TSPAN11: variants seen among roughly 807,000 people sequenced by gnomAD.
TSPAN11 encodes tetraspanin 11, also known as tetraspanin-11.
TSPAN11 carries 29 observed loss-of-function variants against 32.9 expected under a neutral mutation model. The observed-to-expected ratio is 0.88, with a 90% CI of 0.66 to 1.20. The LOEUF is 1.20. Among genes scored for constraint, TSPAN11 ranks in the 50% most tolerant of loss-of-function variants. TSPAN11 has a pLI of 0.00. For missense variants in TSPAN11, 283 were observed against 329.1 expected, an observed-to-expected ratio of 0.86 and a Z score of 1.08; for synonymous variants, 140 against 141.3, an observed-to-expected ratio of 0.99 and a Z score of 0.07.
chr12:30,989,537 G>A (rs563053281), intron 7 of TSPAN11, among the ~76,000 whole-genome samples: 41 of 152,254 alleles, frequency 2.7e-4, no homozygotes, highest in African/African-American at 8.4e-4. Context: ...CAGACCGGAT[G>A]TTTTCCTATT....
intron 7 of TSPAN11, among the ~76,000 whole-genome samples, chr12:30,987,394 C>T (rs1263886055): frequency 2.0e-5 from 3 of 152,060 alleles, no homozygotes; most frequent in East Asian, 3.9e-4. Flanking sequence ...GGATCATGAA[C>T]TTAAGAGATC....
At position 30,926,772 on chromosome 12, in the gene TSPAN11, C is replaced by T; in HGVS notation, c.-36C>T. ...CAGTCTCTCTAGGCGCAGCTCCCTT[C>T]GCCGCTTCCGGAGCCCCTGGCAGGG... On this transcript the variant is annotated 5_prime_UTR_variant, in exon 1 of 8. Coordinates refer to ENST00000546076, the MANE Select transcript of TSPAN11 (RefSeq NM_001370302.1). 3.0e-6 allele frequency: 1 copy of T among 328,290 alleles called. No homozygotes were observed. Among genetic ancestry groups the T allele is most frequent in the Non-Finnish European group, 5.4e-6 (1 of 185,236 alleles). The allele number at this position is 328,290 out of a possible 1,614,324, so 20.3% of individuals were successfully genotyped here.
At chr12:30,927,100 C>T in intron 1 of TSPAN11, 1 of 1,162,144 alleles carries the variant, frequency 8.6e-7, no homozygotes. Flanking sequence ...GAGCTCTGGG[C>T]CTCTGAGGGC....
chr12:30,940,305 C>A (rs1938134549), intron 1 of TSPAN11, among the ~76,000 whole-genome samples: 1 of 152,196 alleles, frequency 6.6e-6, no homozygotes, highest in Admixed American at 6.5e-5. Flanking sequence ...TTAATGCATT[C>A]CTTCCTTCAT....
the TSPAN11 span, among the ~76,000 whole-genome samples, chr12:31,002,510 G>C: frequency 6.6e-6 from 1 of 152,162 alleles, no homozygotes; most frequent in South Asian, 2.1e-4. The surrounding 1 kb of genome is among the most constrained non-coding windows in gnomAD (Gnocchi z 4.8). Context: ...GCCACTGCGA[G>C]ACTTCTACTG....
chr12:30,973,961 G>C (rs1007478303), intron 3 of TSPAN11, among the ~76,000 whole-genome samples: 5 of 152,176 alleles, frequency 3.3e-5, no homozygotes, highest in African/African-American at 1.2e-4. Flanking sequence ...AGGAAACACT[G>C]AGAGCTCTTG....
chr12:31,005,138 TA>T, the TSPAN11 span, among the ~76,000 whole-genome samples: 1 of 152,024 alleles, frequency 6.6e-6, no homozygotes, highest in African/African-American at 2.4e-5. Flanking sequence ...CCCCCACACT[TA>T]GGGAAAAAAG....
intron 7 of TSPAN11, among the ~76,000 whole-genome samples, chr12:30,989,177 G>A (rs1939262298): frequency 6.6e-6 from 1 of 152,234 alleles, no homozygotes; most frequent in African/African-American, 2.4e-5. Flanking sequence ...GGACAGGTAA[G>A]TGTATGGCAG....
chr12:30,992,412 CT>C lies in TSPAN11; in HGVS notation c.*500del. ...GGCATTTCCCCCAGAAGACCTTGCC[CT>C]TTGACCTGCCCACTCTCCACACTGC... is the stretch of plus-strand genomic sequence containing the variant. On this transcript the variant is annotated 3_prime_UTR_variant, in exon 8 of 8. Coordinates refer to ENST00000546076, the MANE Select transcript of TSPAN11 (RefSeq NM_001370302.1). The C allele has an allele frequency of 5.2e-6, 1 of 191,956 alleles. No individual in the cohort carries two copies. Among genetic ancestry groups the C allele is most frequent in the Non-Finnish European group, 1.1e-5 (1 of 90,584 alleles). The allele number at this position is 191,956 out of a possible 1,614,324, so 11.9% of individuals were successfully genotyped here. A position where few individuals can be genotyped will look rare whatever the true frequency, so the allele number is the denominator to read the frequency against.
At chr12:30,982,430 AG>A in intron 5 of TSPAN11, 101 bp from the exon 6 acceptor site, 1 of 1,458,296 alleles carries the variant, frequency 6.9e-7, no homozygotes, top group Non-Finnish European at 9.2e-7. Context: ...TGGTTCGGGT[AG>A]ACAAATAGGG....
chr12:30,999,971 A>G (rs1029380502), downstream of TSPAN11, among the ~76,000 whole-genome samples: 3 of 152,176 alleles, frequency 2.0e-5, no homozygotes, highest in African/African-American at 4.8e-5. Flanking sequence ...TAGCAGCATC[A>G]ATCAGCAGAG....
chr12:31,004,155 C>G, the TSPAN11 span, among the ~76,000 whole-genome samples: 2 of 152,176 alleles, frequency 1.3e-5, no homozygotes, highest in South Asian at 4.1e-4. Context: ...AGTGGATAAC[C>G]TTTGCATGCT....
chr12:30,990,510 ACCT>A (rs1939291686), intron 7 of TSPAN11, among the ~76,000 whole-genome samples: 1 of 152,124 alleles, frequency 6.6e-6, no homozygotes, highest in South Asian at 2.1e-4. Flanking sequence ...AGATGAGATA[ACCT>A]CCTAAGCCGC....
intron 3 of TSPAN11, among the ~76,000 whole-genome samples, chr12:30,977,969 G>A (rs73091933): frequency 0.057 from 8,648 of 152,198 alleles, 346 homozygotes; most frequent in Non-Finnish European, 0.086. Flanking sequence ...CACAGTCCAC[G>A]CTGGTCCCTG....
intron 3 of TSPAN11, among the ~76,000 whole-genome samples, chr12:30,974,033 G>A (rs1282911471): frequency 1.3e-5 from 2 of 152,254 alleles, no homozygotes; most frequent in African/African-American, 4.8e-5. Flanking sequence ...CCATGGGGAT[G>A]TGAGCTGAAG....
At chr12:30,957,026 T>G (rs1366041475) in intron 2 of TSPAN11, among the ~76,000 whole-genome samples, 2 of 152,076 alleles carry the variant, frequency 1.3e-5, no homozygotes, top group East Asian at 3.9e-4. Flanking sequence ...AGCAGGGGAG[T>G]GCGATGACTT....
chr12:30,982,896 T>C (rs2140307143), intron 6 of TSPAN11, among the ~76,000 whole-genome samples, 168 bp from the exon 7 acceptor site: 1 of 152,298 alleles, frequency 6.6e-6, no homozygotes, highest in South Asian at 2.1e-4. Flanking sequence ...TAGGACACCA[T>C]GGCATGCCCC....
chr12:30,935,303 G>GACTGTACCCTTT (rs1317667407), intron 1 of TSPAN11, among the ~76,000 whole-genome samples: 1 of 151,498 alleles, frequency 6.6e-6, no homozygotes, highest in African/African-American at 2.4e-5. Context: ...AAAAAGTGTA[G>GACTGTACCCTTT]ACTGTACCCT....
At chr12:31,002,342 A>G in the TSPAN11 span, among the ~76,000 whole-genome samples, 2 of 152,220 alleles carry the variant, frequency 1.3e-5, no homozygotes, top group African/African-American at 2.4e-5. This position sits in a 1 kb window ranked among gnomAD's most constrained non-coding sequence, Gnocchi z 4.8. Flanking sequence ...CTGCTGTCAG[A>G]CCCACATGCA....
Sources: gnomAD v4.1 joint callset for allele counts (sites outside exome capture counted in the v4.1 genomes callset) on GRCh38, gnomAD v4.1.1 for gene constraint, Gnocchi (gnomAD v3.1) non-coding constraint, MANE v1.5 for transcripts, NCBI Gene and HGNC (gene_info 2026-07-23, HGNC 2026-07-21) for gene names.